KIF2A: variants seen among roughly 807,000 people sequenced by gnomAD.
The protein encoded by KIF2A is kinesin-like protein KIF2A.
In KIF2A, 22 loss-of-function variants were observed where a neutral mutation model predicts 100.2. The ratio of observed to expected loss-of-function variants is 0.22; its 90% CI spans 0.16 to 0.31. The LOEUF is 0.31. KIF2A is among the 10% of genes least tolerant of loss of function. KIF2A has a pLI of 1.00. For missense variants in KIF2A, 495 were observed against 898.7 expected (o/e 0.55, Z 5.74); for synonymous variants, 268 against 285.9 (o/e 0.94, Z 0.63).
Position 62,357,708 on chromosome 5 carries a change from A to ATG in KIF2A, c.682_683dup (p.Arg229Ter), listed in dbSNP as rs750831553. The ATG allele has an allele frequency of 2.6e-6, 4 of 1,552,584 alleles. No individual in the cohort carries two copies. Among genetic ancestry groups the ATG allele is most frequent in the Non-Finnish European group, 3.5e-6 (4 of 1,127,526 alleles). ...ATTTCTAGATTGATGAACATAGGAT[A>ATG]TGTGTGTGTGTAAGAAAACGACCAC... On this transcript the variant is annotated frameshift_variant, in exon 8 of 21. Coordinates refer to ENST00000407818, the MANE Select transcript of KIF2A (RefSeq NM_001098511.3). LOFTEE classifies it high-confidence loss of function.
chr5:62,354,120 G>T (rs528246445), intron 6 of KIF2A, among the ~76,000 whole-genome samples: 1 of 152,130 alleles, frequency 6.6e-6, no homozygotes, highest in South Asian at 2.1e-4. Context: ...GTGGAATTGT[G>T]GACCTAGTAT....
chr5:62,350,135 T>C lies in KIF2A; in HGVS notation c.334+15T>C. The C allele has an allele frequency of 6.7e-7, 1 of 1,495,714 alleles. No homozygotes were observed. Among genetic ancestry groups the C allele is most frequent in the Non-Finnish European group, 9.1e-7 (1 of 1,095,646 alleles). 92.7% of individuals were successfully genotyped at this position (1,495,714 alleles called of 1,614,324 possible). ...AGATAATAGAGGTAAAGTAAAAATT[T>C]ATCTCTTAATTTTGGCTATTGACTT... On this transcript the variant is annotated intron_variant, in intron 4 of 20. Transcript: ENST00000407818.
intron 1 of KIF2A, among the ~76,000 whole-genome samples, chr5:62,322,116 G>A (rs1746122956): frequency 6.6e-6 from 1 of 151,702 alleles, no homozygotes; most frequent in South Asian, 2.1e-4. Context: ...GGGTAGGGGA[G>A]AGACAAGGTC....
In KIF2A at chr5:62,363,197, G is replaced by A. The variant is rs768385599; in HGVS notation, c.1139G>A (p.Arg380Lys). The A allele has an allele frequency of 6.2e-7, 1 of 1,608,700 alleles. No homozygotes were observed. Among genetic ancestry groups the A allele is most frequent in the Admixed American group, 1.7e-5 (1 of 59,010 alleles). The change falls in exon 13 of 21, where the codon AGG (arginine) becomes AAG (lysine). Residue 380 changes from arginine to lysine, a missense_variant. Coordinates refer to ENST00000407818, the MANE Select transcript of KIF2A (RefSeq NM_001098511.3). ...YSGKVFDLLN[R>K]KTKLRVLEDG... ...TCATAGGTGTTTGACTTGCTAAACAGGAAAACAAAATTAAGAGTTCTAGAA... is the reference window on the plus strand; with the variant it reads ...TCATAGGTGTTTGACTTGCTAAACAAGAAAACAAAATTAAGAGTTCTAGAA...
chr5:62,369,168 C>G (rs978516863), intron 16 of KIF2A, among the ~76,000 whole-genome samples: 1 of 152,168 alleles, frequency 6.6e-6, no homozygotes, highest in Non-Finnish European at 1.5e-5. Flanking sequence ...ACTGTTATAT[C>G]ATGTAACTCA....
rs1348467479 is a variant in KIF2A, at chr5:62,389,640, G to T, written c.*4071G>T. Among the ~76,000 whole-genome samples the T allele has an allele frequency of 6.6e-6, 1 of 152,116 alleles. No individual in the cohort carries two copies. The highest frequency in any genetic ancestry group is 1.5e-5 in the Non-Finnish European group (1 of 68,028). On this transcript the variant is annotated 3_prime_UTR_variant, in exon 21 of 21. Transcript: ENST00000407818. Reference sequence around the variant, plus strand: ...TAGACTTTCATTATCCCAGGCCTAAGAACTCACTGGCATTTGTTTCAAGGT... The same window carrying T: ...TAGACTTTCATTATCCCAGGCCTAATAACTCACTGGCATTTGTTTCAAGGT...
chr5:62,363,019 G>T (rs1045828592), intron 12 of KIF2A, among the ~76,000 whole-genome samples, 159 bp from the exon 13 acceptor site: 1 of 152,138 alleles, frequency 6.6e-6, no homozygotes, highest in Non-Finnish European at 1.5e-5. Flanking sequence ...GCAGAGACAA[G>T]GTCTCACTAT....
intron 1 of KIF2A, among the ~76,000 whole-genome samples, chr5:62,310,214 C>T (rs937068424): frequency 1.3e-5 from 2 of 151,868 alleles, no homozygotes; most frequent in African/African-American, 4.8e-5. Context: ...CCACCATGCC[C>T]GGCTAATTTT....
intron 6 of KIF2A, among the ~76,000 whole-genome samples, chr5:62,354,218 TCTA>T (rs1301391673): frequency 1.3e-5 from 2 of 152,140 alleles, no homozygotes; most frequent in Non-Finnish European, 2.9e-5. Context: ...AAACATATTA[TCTA>T]CTAATACTTA....
chr5:62,352,496 A>G lies in KIF2A; in HGVS notation c.335-92A>G, dbSNP rs28720674. The G allele has an allele frequency of 0.1, 82,943 of 806,814 alleles. 4,928 individuals are homozygous for G. The highest frequency in any genetic ancestry group is 0.22 in the East Asian group (7,450 of 33,896). The allele number at this position is 806,814 out of a possible 1,614,324, so 50.0% of individuals were successfully genotyped here. A position where few individuals can be genotyped will look rare whatever the true frequency, so the allele number is the denominator to read the frequency against. ...CAACTTACTAATGTAACTTTTAAGT[A>G]TCAGGTTTTGGGGGCTATCTCTTCC... On this transcript the variant is annotated intron_variant, in intron 4 of 20. Coordinates refer to ENST00000407818, the MANE Select transcript of KIF2A (RefSeq NM_001098511.3).
In KIF2A at chr5:62,306,335, C is replaced by T. The variant is rs1745264366; in HGVS notation, c.-138C>T. ...CCCACAGCTGCTCCTTGCGGCCCCG[C>T]TTGCGTTCACGCTGTCGCCCGGGCC... On this transcript the variant is annotated 5_prime_UTR_variant, in exon 1 of 21. Transcript: ENST00000407818. The T allele has an allele frequency of 1.4e-6, 1 of 690,086 alleles. No homozygotes were observed. The highest frequency in any genetic ancestry group is 2.5e-6 in the Non-Finnish European group (1 of 400,106). The allele number at this position is 690,086 out of a possible 1,614,324, so 42.7% of individuals were successfully genotyped here.
At chr5:62,363,346 G>C in intron 13 of KIF2A, 26 bp downstream of exon 13, 1 of 1,598,366 alleles carries the variant, frequency 6.3e-7, no homozygotes, top group Non-Finnish European at 8.5e-7. Flanking sequence ...ATTAAGAAAG[G>C]AAACATCAGT....
chr5:62,327,449 A>T (rs1235660096), intron 1 of KIF2A, among the ~76,000 whole-genome samples: 1 of 152,112 alleles, frequency 6.6e-6, no homozygotes, highest in Non-Finnish European at 1.5e-5. Flanking sequence ...CACCTTGGGG[A>T]TATCACCTCT....
At chr5:62,374,711 C>T (rs1356010050) in intron 18 of KIF2A, among the ~76,000 whole-genome samples, 1 of 152,164 alleles carries the variant, frequency 6.6e-6, no homozygotes, top group African/African-American at 2.4e-5. Context: ...GGGCGGATCA[C>T]TTAAGGTCAG....
chr5:62,318,263 A>G lies in KIF2A; in HGVS notation c.64+11727A>G, dbSNP rs564820482. ...ACGCCCAGCTAATTTTTGTATTTTT[A>G]GTAGAGATGGGGTTTCACTATGTTG... On this transcript the variant is annotated intron_variant, in intron 1 of 20. Coordinates refer to ENST00000407818, the MANE Select transcript of KIF2A (RefSeq NM_001098511.3). 3.9e-5 allele frequency among the ~76,000 whole-genome samples: 6 copies of G among 152,200 alleles called. No homozygotes were observed. In the South Asian group the frequency reaches 1.2e-3, roughly 32 times the overall value.
intron 16 of KIF2A, among the ~76,000 whole-genome samples, 165 bp downstream of exon 16, chr5:62,366,646 A>G (rs951482382): frequency 2.0e-4 from 31 of 152,236 alleles, no homozygotes; most frequent in African/African-American, 6.0e-4. Flanking sequence ...CCTGGCTAAC[A>G]TGGTGAAACC....
chr5:62,363,085 C>T, intron 12 of KIF2A, 93 bp from the exon 13 acceptor site: 1 of 1,063,148 alleles, frequency 9.4e-7, no homozygotes, highest in South Asian at 1.8e-5. Flanking sequence ...GCCTCAGCCT[C>T]CCAAAATGCT....
chr5:62,323,346 C>T (rs1354483946), intron 1 of KIF2A, among the ~76,000 whole-genome samples: 1 of 151,154 alleles, frequency 6.6e-6, no homozygotes, highest in African/African-American at 2.4e-5. Flanking sequence ...ACGTTGAAAC[C>T]CTGTCTCTAC....
intron 16 of KIF2A, among the ~76,000 whole-genome samples, chr5:62,366,787 C>T (rs1444484718): frequency 2.7e-5 from 4 of 150,820 alleles, no homozygotes; most frequent in African/African-American, 9.8e-5. Flanking sequence ...GCCGAGATCA[C>T]GCCACTGCAC....
Sources: allele counts gnomAD v4.1 joint callset (sites outside exome capture counted in the v4.1 genomes callset), GRCh38; gene constraint gnomAD v4.1.1; transcripts MANE v1.5; gene names NCBI Gene and HGNC (gene_info 2026-07-23, HGNC 2026-07-21).